Variants in CPQ observed in about 807,000 individuals in gnomAD.
CPQ encodes Ser-Met dipeptidase.
CPQ carries 37 observed loss-of-function variants against 45.7 expected under a neutral mutation model. The ratio of observed to expected loss-of-function variants is 0.81; its 90% CI spans 0.62 to 1.07. The LOEUF is 1.07. CPQ is among the 50% of genes least tolerant of loss of function. The probability of loss-of-function intolerance (pLI) is 0.00; values close to 1 mark genes in which losing one functional copy is unlikely to be tolerated. For missense variants in CPQ, 537 were observed against 572.9 expected, an observed-to-expected ratio of 0.94 and a Z score of 0.64; for synonymous variants, 186 against 205.8, an observed-to-expected ratio of 0.90 and a Z score of 0.82.
intron 5 of CPQ, among the ~76,000 whole-genome samples, chr8:96,975,488 A>G (rs759248820): frequency 1.3e-5 from 2 of 152,130 alleles, no homozygotes; most frequent in East Asian, 1.9e-4. Context: ...TGAAGCCAGT[A>G]TCACCCTAAT....
At chr8:96,916,576 A>G (rs1470364982) in intron 4 of CPQ, among the ~76,000 whole-genome samples, 1 of 152,162 alleles carries the variant, frequency 6.6e-6, no homozygotes, top group East Asian at 1.9e-4. Context: ...TTCTCCCACT[A>G]TTAACATTTT....
intron 7 of CPQ, among the ~76,000 whole-genome samples, chr8:97,100,019 G>A (rs1811276412): frequency 6.6e-6 from 1 of 152,172 alleles, no homozygotes; most frequent in Non-Finnish European, 1.5e-5. Context: ...AAGCTGTACA[G>A]CAGTGAAATC....
chr8:96,710,953 C>T (rs771621712), intron 1 of CPQ, among the ~76,000 whole-genome samples: 2 of 152,046 alleles, frequency 1.3e-5, no homozygotes, highest in Non-Finnish European at 2.9e-5. Context: ...CATTGAAGTT[C>T]CCCACTATTA....
chr8:96,729,291 T>C (rs1349639931), intron 1 of CPQ, among the ~76,000 whole-genome samples: 1 of 152,094 alleles, frequency 6.6e-6, no homozygotes, highest in Non-Finnish European at 1.5e-5. Flanking sequence ...AATGCTGTCT[T>C]CTCCTGGAGG....
chr8:96,936,978 C>A (rs1290235305), intron 4 of CPQ, among the ~76,000 whole-genome samples: 1 of 151,980 alleles, frequency 6.6e-6, no homozygotes, highest in Non-Finnish European at 1.5e-5. Flanking sequence ...TCCTTCCTTC[C>A]TCCCTCTCTC....
chr8:96,988,408 C>A (rs1179576552), intron 5 of CPQ, among the ~76,000 whole-genome samples: 3 of 152,012 alleles, frequency 2.0e-5, no homozygotes, highest in Admixed American at 6.6e-5. Flanking sequence ...ATTTTGTTTT[C>A]TTTCTGTATA....
In CPQ at chr8:96,836,321, G is replaced by T. The variant is rs570170734; in HGVS notation, c.641+1141G>T. Reference sequence around the variant, plus strand: ...TAGGAAATCCAGTCAGAGGAAAGTTGTACAAAAGTGCAGGGAAAAGGAAAG... The same window carrying T: ...TAGGAAATCCAGTCAGAGGAAAGTTTTACAAAAGTGCAGGGAAAAGGAAAG... On this transcript the variant is annotated intron_variant, in intron 3 of 7. Coordinates refer to ENST00000220763, the MANE Select transcript of CPQ (RefSeq NM_016134.4). 1.3e-3 allele frequency among the ~76,000 whole-genome samples: 196 copies of T among 152,260 alleles called. 1 individual carries two copies. The highest frequency in any genetic ancestry group is 6.8e-4 in the Non-Finnish European group (46 of 68,012).
chr8:96,776,683 G>A (rs560910476), intron 1 of CPQ, among the ~76,000 whole-genome samples: 10 of 152,196 alleles, frequency 6.6e-5, no homozygotes, highest in African/African-American at 2.2e-4. Context: ...TTTTGCTTGA[G>A]TTTGCTTCCA....
chr8:97,001,721 C>CTTTTTTT (rs61282246), intron 5 of CPQ, among the ~76,000 whole-genome samples: 261 of 92,036 alleles, frequency 2.8e-3, no homozygotes, highest in African/African-American at 4.9e-3. Flanking sequence ...TTCTTTCTTT[C>CTTTTTTT]TTTTTTTTTT....
chr8:97,003,729 A>T (rs906946051), intron 5 of CPQ, among the ~76,000 whole-genome samples: 4 of 152,176 alleles, frequency 2.6e-5, no homozygotes, highest in Non-Finnish European at 2.9e-5. Context: ...AGGGGCCTTT[A>T]AAATGTCACC....
At chr8:96,953,840 A>G (rs1813309218) in intron 4 of CPQ, among the ~76,000 whole-genome samples, 1 of 152,110 alleles carries the variant, frequency 6.6e-6, no homozygotes, top group South Asian at 2.1e-4. Context: ...CTCAAAGTGC[A>G]GTGTGTGCTT....
rs186287481 is a variant in CPQ at position 96,971,745 on chromosome 8, C to T, written c.961+5699C>T. On this transcript the variant is annotated intron_variant, in intron 5 of 7. Transcript: ENST00000220763. ...ATTTTTATTAATTTAAATGTTAATG[C>T]GTAGATGCTGCTTGCTTCTTTGGTT... Among the ~76,000 whole-genome samples, 219 of 152,214 alleles carry T rather than the reference C, an allele frequency of 1.4e-3. 1 individual carries two copies. Among genetic ancestry groups the T allele is most frequent in the Admixed American group, 2.7e-3 (41 of 15,282 alleles).
Position 97,057,203 on chromosome 8 carries a change from G to A in CPQ, c.1054-8806G>A, listed in dbSNP as rs146372840. On this transcript the variant is annotated intron_variant, in intron 6 of 7. Transcript: ENST00000220763. ...TAGTCACCCTATCACTCAAGTTTACGTCAAAATAACTGTTGAATAAATACA... is the reference window on the plus strand; with the variant it reads ...TAGTCACCCTATCACTCAAGTTTACATCAAAATAACTGTTGAATAAATACA... Among the ~76,000 whole-genome samples, 62 of 152,178 alleles carry A rather than the reference G, an allele frequency of 4.1e-4. No homozygotes were observed. In the East Asian group the frequency reaches 4.6e-3, roughly 11 times the overall value.
At chr8:96,971,047 G>C (rs1178320271) in intron 5 of CPQ, among the ~76,000 whole-genome samples, 1 of 152,194 alleles carries the variant, frequency 6.6e-6, no homozygotes, top group Non-Finnish European at 1.5e-5. Flanking sequence ...TGTTGGGAGA[G>C]TATTCACTCC....
At chr8:97,123,077 AAAAT>A (rs1486336065) in intron 7 of CPQ, among the ~76,000 whole-genome samples, 19 of 123,702 alleles carry the variant, frequency 1.5e-4, no homozygotes, top group African/African-American at 5.0e-4. Context: ...AAAATAAAAT[AAAAT>A]AAATAAAATA....
At chr8:96,682,877 C>T (rs1809169807) in intron 1 of CPQ, among the ~76,000 whole-genome samples, 1 of 152,116 alleles carries the variant, frequency 6.6e-6, no homozygotes, top group African/African-American at 2.4e-5. Flanking sequence ...AAAATTGGGT[C>T]ATGCTTTTTA....
intron 1 of CPQ, among the ~76,000 whole-genome samples, chr8:96,678,320 ATTTG>A (rs1809102499): frequency 6.6e-6 from 1 of 151,776 alleles, no homozygotes; most frequent in African/African-American, 2.4e-5. Flanking sequence ...ATGTGTTTTT[ATTTG>A]TTTGTGTCAT....
chr8:96,728,043 C>G (rs1404110803), intron 1 of CPQ, among the ~76,000 whole-genome samples: 1 of 152,114 alleles, frequency 6.6e-6, no homozygotes, highest in Non-Finnish European at 1.5e-5. Context: ...GCCTCACCTG[C>G]CTGTTCCTGC....
At chr8:96,986,519 A>G (rs1188727236) in intron 5 of CPQ, among the ~76,000 whole-genome samples, 4 of 152,132 alleles carry the variant, frequency 2.6e-5, no homozygotes, top group East Asian at 1.9e-4. Context: ...TCAAACCCCA[A>G]TGCCCAGCAT....
Sources: allele counts gnomAD v4.1 joint callset (sites outside exome capture counted in the v4.1 genomes callset), GRCh38; gene constraint gnomAD v4.1.1; transcripts MANE v1.5; gene names NCBI Gene and HGNC (gene_info 2026-07-23, HGNC 2026-07-21).